Variants in PIBF1 observed in about 807,000 individuals in gnomAD.
The protein encoded by PIBF1 is progesterone immunomodulatory binding factor 1.
In PIBF1, 90 loss-of-function variants were observed where a neutral mutation model predicts 112.5. The observed-to-expected ratio is 0.80, with a 90% CI of 0.67 to 0.95. PIBF1 has a LOEUF of 0.95. Among genes scored for constraint, PIBF1 ranks in the 40% least tolerant of loss-of-function variants. The pLI is 0.00. For synonymous variants in PIBF1, 301 were observed against 288.6 expected, an observed-to-expected ratio of 1.04 and a Z score of -0.44; for missense variants, 915 against 852.3, an observed-to-expected ratio of 1.07 and a Z score of -0.92.
intron 7 of PIBF1, 28 bp from the exon 8 acceptor site, chr13:72,827,705 G>A: frequency 6.0e-6 from 8 of 1,324,942 alleles, no homozygotes; most frequent in Non-Finnish European, 8.2e-6. Flanking sequence ...CATCACTGTG[G>A]ATACTTTTTG....
At chr13:72,821,260 TC>T (rs766461377) in intron 5 of PIBF1, among the ~76,000 whole-genome samples, 19 of 152,282 alleles carry the variant, frequency 1.2e-4, no homozygotes, top group Admixed American at 4.6e-4. Context: ...GGTTTTTACT[TC>T]CATTGCTCTT....
At chr13:72,939,299 T>A (rs1371756290) in intron 14 of PIBF1, among the ~76,000 whole-genome samples, 1 of 152,218 alleles carries the variant, frequency 6.6e-6, no homozygotes, top group Non-Finnish European at 1.5e-5. Context: ...TTCACAGTGT[T>A]GTACAATCAC....
intron 9 of PIBF1, among the ~76,000 whole-genome samples, chr13:72,845,069 T>C (rs915762456): frequency 8.8e-5 from 13 of 147,772 alleles, no homozygotes; most frequent in African/African-American, 3.2e-4. Context: ...TTGCTGCACC[T>C]ATCAACGGGT....
At chr13:73,003,897 G>A (rs539756853) in intron 17 of PIBF1, among the ~76,000 whole-genome samples, 1 of 152,034 alleles carries the variant, frequency 6.6e-6, no homozygotes, top group African/African-American at 2.4e-5. Flanking sequence ...TTTTTGTAGA[G>A]ACAGGGTCTC....
chr13:72,876,621 T>TATGTA (rs1055506908), intron 10 of PIBF1, among the ~76,000 whole-genome samples: 2 of 152,212 alleles, frequency 1.3e-5, no homozygotes, highest in African/African-American at 4.8e-5. Context: ...TTAGTTTTCC[T>TATGTA]CATATAGATC....
At chr13:72,987,858 A>ATTTATTTTTTTTTTTTT (rs1345167411) in intron 16 of PIBF1, among the ~76,000 whole-genome samples, 1 of 58,136 alleles carries the variant, frequency 1.7e-5, no homozygotes, top group African/African-American at 9.3e-5. Flanking sequence ...TTATTTATTT[A>ATTTATTTTTTTTTTTTT]TTTTTTTTTT....
intron 11 of PIBF1, among the ~76,000 whole-genome samples, chr13:72,904,433 C>CTTTTTTTTTTTTTTT (rs71099767): frequency 0.012 from 421 of 36,548 alleles, 97 homozygotes; most frequent in African/African-American, 0.023. Context: ...CAAAATATTT[C>CTTTTTTTTTTTTTTT]TTTTTTTTTT....
intron 9 of PIBF1, among the ~76,000 whole-genome samples, chr13:72,838,625 T>C (rs2037462502): frequency 6.6e-6 from 1 of 152,176 alleles, no homozygotes; most frequent in Non-Finnish European, 1.5e-5. Context: ...GTTTAACTTA[T>C]TTGAACACTC....
In PIBF1 at chr13:72,792,565, T is replaced by TA. The variant is rs553068546; in HGVS notation, c.353+28dup. 7.6e-3 allele frequency: 8,750 copies of TA among 1,156,666 alleles called. No individual in the cohort carries two copies. The highest frequency in any genetic ancestry group is 8.3e-3 in the Non-Finnish European group (6,865 of 823,942). The allele number at this position is 1,156,666 out of a possible 1,614,324, so 71.7% of individuals were successfully genotyped here. ...GATGCCAGGTAAGAAAAGTTTTTTT[T>TA]AAAAAAAAAACAACATCTATTTAGC... is the stretch of plus-strand genomic sequence containing the variant. On this transcript the variant is annotated intron_variant, in intron 3 of 17. Transcript: ENST00000326291.
At chr13:72,927,329 C>G (rs2041518498) in intron 13 of PIBF1, among the ~76,000 whole-genome samples, 1 of 152,030 alleles carries the variant, frequency 6.6e-6, no homozygotes, top group African/African-American at 2.4e-5. Flanking sequence ...ATGGTGAAAC[C>G]CTGTCTCTAC....
chr13:72,845,479 A>T (rs1355593435), intron 9 of PIBF1, among the ~76,000 whole-genome samples: 1 of 152,100 alleles, frequency 6.6e-6, no homozygotes, highest in East Asian at 1.9e-4. Context: ...TAGTAGAGTG[A>T]TTTATATTCC....
At chr13:72,959,359 G>A (rs2042543590) in intron 14 of PIBF1, among the ~76,000 whole-genome samples, 1 of 152,106 alleles carries the variant, frequency 6.6e-6, no homozygotes, top group Non-Finnish European at 1.5e-5. Flanking sequence ...TTGTACCAAA[G>A]TGTTGCCCCC....
intron 5 of PIBF1, among the ~76,000 whole-genome samples, chr13:72,818,678 C>CTTTTTTTTTTTT (rs3077726): frequency 2.5e-5 from 2 of 80,372 alleles, no homozygotes; most frequent in Admixed American, 1.9e-4. Context: ...CAGTCTTAAA[C>CTTTTTTTTTTTT]TTTTTTTTTT....
intron 13 of PIBF1, among the ~76,000 whole-genome samples, chr13:72,927,024 C>T (rs2041506611): frequency 6.6e-6 from 1 of 151,206 alleles, no homozygotes; most frequent in African/African-American, 2.4e-5. Context: ...TGCTTTTCTG[C>T]AGTCATTGAT....
intron 11 of PIBF1, among the ~76,000 whole-genome samples, chr13:72,907,397 A>C (rs996479372): frequency 6.6e-6 from 1 of 152,128 alleles, no homozygotes; most frequent in Non-Finnish European, 1.5e-5. Flanking sequence ...AAAAGTGTTT[A>C]ATTGTAGAGA....
At chr13:72,945,579 A>G (rs552675487) in intron 14 of PIBF1, among the ~76,000 whole-genome samples, 16 of 152,310 alleles carry the variant, frequency 1.1e-4, no homozygotes, top group African/African-American at 3.8e-4. Flanking sequence ...TCTGATTGGT[A>G]TGAGATGGTA....
At chr13:72,942,440 T>G (rs151217381) in intron 14 of PIBF1, among the ~76,000 whole-genome samples, 2 of 152,174 alleles carry the variant, frequency 1.3e-5, no homozygotes, top group African/African-American at 2.4e-5. Flanking sequence ...CAACTCTGTT[T>G]CTGTGTTTTT....
chr13:72,842,203 A>C (rs2037643965), intron 9 of PIBF1, among the ~76,000 whole-genome samples: 1 of 152,180 alleles, frequency 6.6e-6, no homozygotes, highest in Non-Finnish European at 1.5e-5. Context: ...TCAGCTGATT[A>C]AGTTTTTCCA....
At chr13:72,884,540 A>T (rs922357509) in intron 10 of PIBF1, 1 of 152,202 alleles carries the variant, frequency 6.6e-6, no homozygotes, top group Non-Finnish European at 1.5e-5. Flanking sequence ...CATTTCTTCA[A>T]AATAATAATG....
Sources: gnomAD v4.1 joint callset for allele counts (sites outside exome capture counted in the v4.1 genomes callset) on GRCh38, gnomAD v4.1.1 for gene constraint, MANE v1.5 for transcripts, NCBI Gene and HGNC (gene_info 2026-07-23, HGNC 2026-07-21) for gene names.